The following QPCT variants were observed in gnomAD, a reference collection of about 807,000 sequenced individuals.
QPCT encodes the protein EC.
QPCT carries 44 observed loss-of-function variants against 43.4 expected under a neutral mutation model. The ratio of observed to expected loss-of-function variants is 1.01; its 90% CI spans 0.80 to 1.30. QPCT has a LOEUF of 1.30. Among genes scored for constraint, QPCT ranks in the 50% most tolerant of loss-of-function variants. The pLI is 0.00. For missense variants in QPCT, 526 were observed against 436.5 expected, an observed-to-expected ratio of 1.21 and a Z score of -1.83; for synonymous variants, 168 against 168.4, an observed-to-expected ratio of 1.00 and a Z score of 0.02.
At chr2:37,360,662 T>C (rs1352163340) in intron 3 of QPCT, among the ~76,000 whole-genome samples, 1 of 152,210 alleles carries the variant, frequency 6.6e-6, no homozygotes, top group Admixed American at 6.5e-5. Flanking sequence ...GTTTATCTTG[T>C]AATGGAAGTA....
Position 37,344,848 on chromosome 2 carries a change from G to A in QPCT, c.117G>A (p.Glu39=), listed in dbSNP as rs747245880. The A allele has an allele frequency of 6.3e-7, 1 of 1,589,828 alleles. No individual in the cohort carries two copies. ...VSPSASAWPE[E]KNYHQPAILN... Reference sequence around the variant, plus strand: ...CGAGTGCCTCAGCCTGGCCAGAGGAGAAGGTGAGGGGCTGTTTCTGCGTAG... The same window carrying A: ...CGAGTGCCTCAGCCTGGCCAGAGGAAAAGGTGAGGGGCTGTTTCTGCGTAG... The change falls in exon 1 of 7, where the codon GAG becomes GAA. Residue 39 remains glutamate (E), a synonymous_variant. Coordinates refer to ENST00000338415, the MANE Select transcript of QPCT (RefSeq NM_012413.4).
chr2:37,345,835 C>CAAAAA (rs70949752), intron 1 of QPCT, among the ~76,000 whole-genome samples: 5 of 82,566 alleles, frequency 6.1e-5, no homozygotes, highest in Non-Finnish European at 4.8e-5. Context: ...GACTCCGTCT[C>CAAAAA]AAAAAAAAAA....
intron 2 of QPCT, among the ~76,000 whole-genome samples, chr2:37,355,763 TAAAAAA>T (rs1169887077): frequency 6.6e-6 from 1 of 151,948 alleles, no homozygotes; most frequent in African/African-American, 2.4e-5. Flanking sequence ...AAGATAGAAA[TAAAAAA>T]ATTAAAAAAT....
At chr2:37,369,820 T>C in intron 5 of QPCT, 36 bp downstream of exon 5, 3 of 1,479,702 alleles carry the variant, frequency 2.0e-6, no homozygotes, top group Non-Finnish European at 2.8e-6. Flanking sequence ...AAAACATCAT[T>C]TCTTGCTACT....
intron 3 of QPCT, among the ~76,000 whole-genome samples, chr2:37,366,905 C>T (rs901555228): frequency 4.6e-5 from 7 of 152,350 alleles, no homozygotes; most frequent in East Asian, 3.9e-4. Context: ...GCAACACACC[C>T]TCCTGTATGG....
chr2:37,368,839 C>T (rs997053168), intron 4 of QPCT, among the ~76,000 whole-genome samples: 1 of 152,136 alleles, frequency 6.6e-6, no homozygotes, highest in Non-Finnish European at 1.5e-5. Context: ...GAATGAAGAT[C>T]ATTTTTTTCC....
At chr2:37,370,046 G>A (rs955135067) in intron 5 of QPCT, among the ~76,000 whole-genome samples, 3 of 152,082 alleles carry the variant, frequency 2.0e-5, no homozygotes. Context: ...TTAGCTGGGT[G>A]TGGTGGCGGG....
chr2:37,365,254 G>A (rs1672939564), intron 3 of QPCT, among the ~76,000 whole-genome samples: 1 of 152,108 alleles, frequency 6.6e-6, no homozygotes, highest in Non-Finnish European at 1.5e-5. Context: ...GGAGCCATTA[G>A]TGCTAAGGTA....
intron 1 of QPCT, among the ~76,000 whole-genome samples, chr2:37,347,921 G>T (rs1418620941): frequency 2.0e-5 from 3 of 152,126 alleles, no homozygotes; most frequent in African/African-American, 7.2e-5. Context: ...GTTGACATGT[G>T]CTCATTTTAG....
chr2:37,367,450 C>T (rs766856936), intron 4 of QPCT, 42 bp downstream of exon 4: 41 of 1,574,612 alleles, frequency 2.6e-5, no homozygotes, highest in Admixed American at 1.3e-4. Flanking sequence ...CTGTAGGCTC[C>T]GCTTCCAAGG....
rs775363073 is a variant in QPCT at position 37,352,897 on chromosome 2, C to T, written c.229C>T (p.Arg77Ter). 1.5e-5 allele frequency: 24 copies of T among 1,613,996 alleles called. No homozygotes were observed. Among genetic ancestry groups the T allele is most frequent in the Non-Finnish European group, 1.8e-5 (21 of 1,179,946 alleles). Residue 77 changes from arginine to a stop codon, truncating the protein, a stop_gained, in exon 2 of 7, where the codon CGA becomes TGA. Coordinates refer to ENST00000338415, the MANE Select transcript of QPCT (RefSeq NM_012413.4). LOFTEE classifies it high-confidence loss of function. ...QNDLQPLLIERYPGSPGSYAA... is the reference protein window; with the variant it reads ...QNDLQPLLIE Reference sequence around the variant, plus strand: ...TGACTTACAGCCATTGCTGATAGAGCGATACCCGGGATCCCCTGGAAGCTA... The same window carrying T: ...TGACTTACAGCCATTGCTGATAGAGTGATACCCGGGATCCCCTGGAAGCTA...
chr2:37,367,989 G>GGA (rs1260060579), intron 4 of QPCT, among the ~76,000 whole-genome samples: 3 of 152,162 alleles, frequency 2.0e-5, no homozygotes, highest in Admixed American at 2.0e-4. Context: ...GGGCCCAATG[G>GGA]GAGCACATTC....
At chr2:37,367,147 T>C (rs1459615364) in intron 3 of QPCT, 85 bp from the exon 4 acceptor site, 2 of 1,409,796 alleles carry the variant, frequency 1.4e-6, no homozygotes, top group Non-Finnish European at 1.9e-6. Context: ...GGCACATCTA[T>C]CTTTTTGCCC....
At position 37,347,179 on chromosome 2, in the gene QPCT, A is replaced by ATT. The variant is rs1244639524; in HGVS notation, c.120+2328_120+2329insTT. On this transcript the variant is annotated intron_variant, in intron 1 of 6. Transcript: ENST00000338415. The stretch of plus-strand genomic sequence containing the variant: ...ATATATATATAACATATATATATAT[A>ATT]ACATATATATATAACATATATATAT... Among the ~76,000 whole-genome samples, 6 of 50,758 alleles carry ATT rather than the reference A, an allele frequency of 1.2e-4. 1 individual carries two copies. The highest frequency in any genetic ancestry group is 5.4e-4 in the African/African-American group (5 of 9,344). The allele number at this position is 50,758 out of a possible 152,430, so 33.3% of individuals were successfully genotyped here.
At chr2:37,365,943 T>G (rs943671924) in intron 3 of QPCT, among the ~76,000 whole-genome samples, 1 of 152,182 alleles carries the variant, frequency 6.6e-6, no homozygotes, top group Non-Finnish European at 1.5e-5. Context: ...GGTTATATAT[T>G]TTTTTCTCTG....
chr2:37,346,438 T>C (rs1216743498), intron 1 of QPCT, among the ~76,000 whole-genome samples: 1 of 152,190 alleles, frequency 6.6e-6, no homozygotes, highest in African/African-American at 2.4e-5. Context: ...ACCAAATGTA[T>C]CTTTGTGATA....
At chr2:37,358,310 G>A (rs1391346718) in intron 2 of QPCT, among the ~76,000 whole-genome samples, 2 of 152,126 alleles carry the variant, frequency 1.3e-5, no homozygotes, top group Non-Finnish European at 2.9e-5. Flanking sequence ...GGTGGCATGT[G>A]TCTGTTATTC....
At chr2:37,357,347 C>G (rs2124935966) in intron 2 of QPCT, among the ~76,000 whole-genome samples, 2 of 148,030 alleles carry the variant, frequency 1.4e-5, no homozygotes, top group South Asian at 4.3e-4. Flanking sequence ...AGGGATAACT[C>G]ATTTTCATAG....
chr2:37,347,679 G>A (rs1420131257), intron 1 of QPCT, among the ~76,000 whole-genome samples: 1 of 152,058 alleles, frequency 6.6e-6, no homozygotes, highest in Non-Finnish European at 1.5e-5. Flanking sequence ...ATATTCCAGA[G>A]TTACTTCTTC....
Sources: allele counts gnomAD v4.1 joint callset (sites outside exome capture counted in the v4.1 genomes callset), GRCh38; gene constraint gnomAD v4.1.1; transcripts MANE v1.5; gene names NCBI Gene and HGNC (gene_info 2026-07-23, HGNC 2026-07-21).